The following CPLX3 variants were observed in gnomAD, a reference collection of about 807,000 sequenced individuals.
CPLX3 encodes the protein complexin-3.
A neutral mutation model predicts 17.2 loss-of-function variants in CPLX3; 12 were observed. That is an observed-to-expected ratio of 0.70 (90% CI 0.45 to 1.13). The LOEUF (loss-of-function observed/expected upper bound fraction) is 1.13. CPLX3 is among the 50% of genes most tolerant of loss of function. CPLX3 has a pLI of 0.00. For synonymous variants in CPLX3, 75 were observed against 79.4 expected, an observed-to-expected ratio of 0.94 and a Z score of 0.29; for missense variants, 172 against 203.2, an observed-to-expected ratio of 0.85 and a Z score of 0.93.
In CPLX3 at chr15:74,830,213, C is replaced by T; in HGVS notation, c.336C>T (p.Asp112=). 1 of 1,613,954 alleles carries T rather than the reference C, an allele frequency of 6.2e-7. No individual in the cohort carries two copies. Among genetic ancestry groups the T allele is most frequent in the East Asian group, 2.2e-5 (1 of 44,876 alleles). ...AGCTGGCCAAGATGATCGAGGAGGACACAGAGGAGGAGGAGGAGAAGGCCT... is the reference window on the plus strand; with the variant it reads ...AGCTGGCCAAGATGATCGAGGAGGATACAGAGGAGGAGGAGGAGAAGGCCT... The part of the protein sequence containing the change: ...PRELAKMIEE[D]TEEEEEKASV... Residue 112 remains aspartate (D), a synonymous_variant, in exon 3 of 3, where the codon GAC becomes GAT. Transcript: ENST00000395018.
At position 74,830,277 on chromosome 15, in the gene CPLX3, C is replaced by G. The variant is rs1409253309; in HGVS notation, c.400C>G (p.Leu134Val). The G allele has an allele frequency of 1.2e-5, 20 of 1,613,950 alleles. No homozygotes were observed. In the South Asian group the frequency reaches 2.2e-4, roughly 18 times the overall value. Residue 134 changes from leucine (L) to valine (V), a missense_variant, in exon 3 of 3, where the codon CTG becomes GTG. Transcript: ENST00000395018. ...GCTGGCCAGCCTTCCTGGCTTGAAC[C>G]TGGGCTCACTCAAGGACAAGGCCCA... ...GQLASLPGLN[L>V]GSLKDKAQAT...
At chr15:74,830,022 A>G in intron 2 of CPLX3, 108 bp from the exon 3 acceptor site, 1 of 740,112 alleles carries the variant, frequency 1.4e-6, no homozygotes, top group Non-Finnish European at 2.2e-6. Flanking sequence ...AAGAAAAAAT[A>G]GAATCTAGGG....
rs144338628 is a variant in CPLX3 at position 74,829,843 on chromosome 15, G to A, written c.253-287G>A. Reference sequence around the variant, plus strand: ...ATCCTGGGATGTGGGGGTGGGAGCTGAGCTCACTGGAACATGGGGCTCAAG... The same window carrying A: ...ATCCTGGGATGTGGGGGTGGGAGCTAAGCTCACTGGAACATGGGGCTCAAG... On this transcript the variant is annotated intron_variant, in intron 2 of 2. Coordinates refer to ENST00000395018, the MANE Select transcript of CPLX3 (RefSeq NM_001030005.3). Among the ~76,000 whole-genome samples, 541 of 152,156 alleles carry A rather than the reference G, an allele frequency of 3.6e-3. 7 individuals carry two copies. The highest frequency in any genetic ancestry group is 0.021 in the Middle Eastern group (6 of 292).
intron 2 of CPLX3, among the ~76,000 whole-genome samples, chr15:74,829,916 C>G (rs2063960675): frequency 6.6e-6 from 1 of 150,772 alleles, no homozygotes; most frequent in African/African-American, 2.4e-5. Context: ...TCCCCCGGCA[C>G]TTTGGGAGGC....
intron 1 of CPLX3, among the ~76,000 whole-genome samples, chr15:74,827,520 T>TG (rs11462134): frequency 0.013 from 1,962 of 152,328 alleles, 47 homozygotes; most frequent in African/African-American, 0.046. Context: ...TGTAAACTGT[T>TG]TAGCACAGCA....
chr15:74,827,515 ACTGTTTAGCACAGCAC>A (rs2063949307), intron 1 of CPLX3, among the ~76,000 whole-genome samples: 1 of 152,072 alleles, frequency 6.6e-6, no homozygotes, highest in South Asian at 2.1e-4. Flanking sequence ...ATGCATGTAA[ACTGTTTAGCACAGCAC>A]CTGGCACATG....
chr15:74,827,090 G>A (rs2086879785), intron 1 of CPLX3, among the ~76,000 whole-genome samples: 1 of 152,138 alleles, frequency 6.6e-6, no homozygotes, highest in African/African-American at 2.4e-5. Context: ...GTGGGGGGAG[G>A]GGCGACCGGA....
At position 74,826,960 on chromosome 15, in the gene CPLX3, C is replaced by T; in HGVS notation, c.164+93C>T. 2 of 1,157,294 alleles carry T rather than the reference C, an allele frequency of 1.7e-6. No individual in the cohort carries two copies. The highest frequency in any genetic ancestry group is 2.5e-6 in the Non-Finnish European group (2 of 816,116). The allele number at this position is 1,157,294 out of a possible 1,614,324, so 71.7% of individuals were successfully genotyped here. A position where few individuals can be genotyped will look rare whatever the true frequency, so the allele number is the denominator to read the frequency against. ...CCGGGCCAGCCTCAGGTCCCAATCCCTTCTCCCCTACTTTCCTAGACACGG... is the reference window on the plus strand; with the variant it reads ...CCGGGCCAGCCTCAGGTCCCAATCCTTTCTCCCCTACTTTCCTAGACACGG... On this transcript the variant is annotated intron_variant, in intron 1 of 2. Coordinates refer to ENST00000395018, the MANE Select transcript of CPLX3 (RefSeq NM_001030005.3). The surrounding 1 kb of genome is among the most constrained non-coding windows in gnomAD (Gnocchi z 5.0).
chr15:74,829,982 G>A (rs1237482759), intron 2 of CPLX3, 148 bp from the exon 3 acceptor site: 3 of 628,402 alleles, frequency 4.8e-6, no homozygotes, highest in Non-Finnish European at 8.3e-6. Flanking sequence ...GGCAACATAG[G>A]GAGACCTCGT....
In CPLX3 at chr15:74,826,788, G is replaced by A; in HGVS notation, c.85G>A (p.Gly29Arg). The A allele has an allele frequency of 6.2e-7, 1 of 1,606,846 alleles. No homozygotes were observed. Among genetic ancestry groups the A allele is most frequent in the Non-Finnish European group, 8.5e-7 (1 of 1,176,588 alleles). Residue 29 changes from glycine to arginine, a missense_variant, in exon 1 of 3, where the codon GGG (glycine) becomes AGG (arginine). Gly to Arg is a moderately radical substitution (Grantham distance 125, BLOSUM62 -2). Coordinates refer to ENST00000395018, the MANE Select transcript of CPLX3 (RefSeq NM_001030005.3). The surrounding 1 kb of genome is among the most constrained non-coding windows in gnomAD (Gnocchi z 5.0). ...SLGGGEDKGD[G>R]DKSAAEAQGM... ...GGGAGGCGGCGAGGATAAGGGAGAT[G>A]GGGACAAGTCGGCAGCCGAAGCTCA...
At chr15:74,827,848 C>T (rs955931146) in intron 1 of CPLX3, among the ~76,000 whole-genome samples, 186 bp from the exon 2 acceptor site, 7 of 152,170 alleles carry the variant, frequency 4.6e-5, no homozygotes, top group African/African-American at 1.4e-4. Flanking sequence ...GTGGCAGAGA[C>T]GACAAAGGGC....
At chr15:74,830,072 C>G (rs1227856058) in intron 2 of CPLX3, 58 bp from the exon 3 acceptor site, 5 of 1,358,746 alleles carry the variant, frequency 3.7e-6, no homozygotes, top group African/African-American at 1.4e-5. Flanking sequence ...GTCCTCTCAA[C>G]TCTGGGTCCT....
intron 1 of CPLX3, among the ~76,000 whole-genome samples, chr15:74,827,618 A>G (rs946736451): frequency 1.3e-5 from 2 of 152,196 alleles, no homozygotes; most frequent in African/African-American, 2.4e-5. Flanking sequence ...TTTTATCCCC[A>G]TTTTACAGAA....
Position 74,830,304 on chromosome 15 carries a change from G to A in CPLX3, c.427G>A (p.Ala143Thr), listed in dbSNP as rs2063962961. ...NLGSLKDKAQ[A>T]TLGDLKQSAE... ...GGGCTCACTCAAGGACAAGGCCCAG[G>A]CCACACTGGGGGATCTCAAGCAATC... is the stretch of plus-strand genomic sequence containing the variant. The change falls in exon 3 of 3, where the codon GCC becomes ACC. Residue 143 changes from alanine (A) to threonine (T), a missense_variant. By Grantham distance (58) the Ala-to-Thr change is moderately conservative. Coordinates refer to ENST00000395018, the MANE Select transcript of CPLX3 (RefSeq NM_001030005.3). The A allele has an allele frequency of 1.9e-6, 3 of 1,613,734 alleles. No homozygotes were observed. The highest frequency in any genetic ancestry group is 2.2e-5 in the South Asian group (2 of 91,066).
chr15:74,826,796 G>A lies in CPLX3; in HGVS notation c.93G>A (p.Lys31=), dbSNP rs769483609. The change falls in exon 1 of 3, where the codon AAG becomes AAA. Residue 31 remains lysine (K), a synonymous_variant. Transcript: ENST00000395018. This position sits in a 1 kb window ranked among gnomAD's most constrained non-coding sequence, Gnocchi z 5.0. ...GCGAGGATAAGGGAGATGGGGACAA[G>A]TCGGCAGCCGAAGCTCAGGGCATGA... ...GGGEDKGDGD[K]SAAEAQGMSR... 1.2e-6 allele frequency: 2 copies of A among 1,604,910 alleles called. No individual in the cohort carries two copies. The highest frequency in any genetic ancestry group is 2.2e-5 in the South Asian group (2 of 90,398).
Position 74,830,253 on chromosome 15 carries a change from C to T in CPLX3, c.376C>T (p.Leu126=), listed in dbSNP as rs1489714784. 6.2e-7 allele frequency: 1 copy of T among 1,613,990 alleles called. No individual in the cohort carries two copies. The highest frequency in any genetic ancestry group is 1.1e-5 in the South Asian group (1 of 91,074). ...EEEKASVLGQ[L]ASLPGLNLGS... The stretch of plus-strand genomic sequence containing the variant: ...GGAGAAGGCCTCAGTCCTTGGGCAG[C>T]TGGCCAGCCTTCCTGGCTTGAACCT... Residue 126 remains leucine (L), a synonymous_variant, in exon 3 of 3, where the codon CTG becomes TTG. Coordinates refer to ENST00000395018, the MANE Select transcript of CPLX3 (RefSeq NM_001030005.3).
intron 2 of CPLX3, among the ~76,000 whole-genome samples, chr15:74,828,800 C>A (rs1024940628): frequency 2.0e-5 from 3 of 152,100 alleles, no homozygotes; most frequent in Admixed American, 6.5e-5. Context: ...GAGCCAAGTA[C>A]CCCCTTGGCC....
At chr15:74,828,215 T>G in intron 2 of CPLX3, 94 bp downstream of exon 2, 1 of 922,680 alleles carries the variant, frequency 1.1e-6, no homozygotes, top group Non-Finnish European at 1.7e-6. Flanking sequence ...CCCTCAGCTA[T>G]GAGACTCACA....
Position 74,830,617 on chromosome 15 carries a change from C to T in CPLX3, c.*263C>T, listed in dbSNP as rs1351254210. On this transcript the variant is annotated 3_prime_UTR_variant, in exon 3 of 3. Coordinates refer to ENST00000395018, the MANE Select transcript of CPLX3 (RefSeq NM_001030005.3). The stretch of plus-strand genomic sequence containing the variant: ...CCCAAGATTGTAGGAATAGGCCCAT[C>T]CCTCTCTGGCCATGGCCCCAAGTTC... 4.5e-6 allele frequency: 2 copies of T among 444,728 alleles called. No homozygotes were observed. The highest frequency in any genetic ancestry group is 8.2e-6 in the Non-Finnish European group (2 of 242,904). The allele number at this position is 444,728 out of a possible 1,614,324, so 27.5% of individuals were successfully genotyped here.
Sources: allele counts gnomAD v4.1 joint callset (sites outside exome capture counted in the v4.1 genomes callset), GRCh38; gene constraint gnomAD v4.1.1; non-coding constraint Gnocchi (gnomAD v3.1); transcripts MANE v1.5; gene names NCBI Gene and HGNC (gene_info 2026-07-23, HGNC 2026-07-21).